The following PPP1R9A variants were observed in gnomAD, a reference collection of about 807,000 sequenced individuals.
PPP1R9A encodes the protein neurabin-1.
Under a neutral mutation model 141.9 loss-of-function variants are expected in PPP1R9A, and 59 were observed. That is an observed-to-expected ratio of 0.42 (90% CI 0.34 to 0.52). The LOEUF is 0.52. Among genes scored for constraint, PPP1R9A ranks in the 20% least tolerant of loss-of-function variants. PPP1R9A has a pLI of 0.10. For synonymous variants in PPP1R9A, 500 were observed against 569.7 expected (o/e 0.88, Z 1.74); for missense variants, 1,444 against 1,611.9 (o/e 0.90, Z 1.78).
At chr7:95,124,081 GA>G (rs1036143965) in intron 4 of PPP1R9A, among the ~76,000 whole-genome samples, 3 of 152,062 alleles carry the variant, frequency 2.0e-5, no homozygotes, top group African/African-American at 7.2e-5. Context: ...GTGGGTGTCA[GA>G]AAATGACAAA....
rs969044899 is a variant in PPP1R9A at position 94,932,784 on chromosome 7, T to G, written c.1395+21276T>G. Among the ~76,000 whole-genome samples the G allele has an allele frequency of 9.4e-3, 1,083 of 115,360 alleles. 52 individuals carry two copies. Among genetic ancestry groups the G allele is most frequent in the Admixed American group, 0.082 (964 of 11,700 alleles). The allele number at this position is 115,360 out of a possible 152,430, so 75.7% of individuals were successfully genotyped here. ...AAGCATTTTTTTTTTTTTTTTTTTTTGGTCAGGAGAGGTAACAGGGTTTGA... is the reference window on the plus strand; with the variant it reads ...AAGCATTTTTTTTTTTTTTTTTTTTGGGTCAGGAGAGGTAACAGGGTTTGA... On this transcript the variant is annotated intron_variant, in intron 2 of 19. Coordinates refer to ENST00000433360, the MANE Select transcript of PPP1R9A (RefSeq NM_001166160.2).
chr7:94,911,686 T>C (rs973287266), intron 2 of PPP1R9A, among the ~76,000 whole-genome samples, 178 bp downstream of exon 2: 1 of 152,130 alleles, frequency 6.6e-6, no homozygotes, highest in Non-Finnish European at 1.5e-5. Flanking sequence ...GAGATATCAA[T>C]TACATTTCTT....
At chr7:95,017,234 C>A (rs1805231846) in intron 2 of PPP1R9A, among the ~76,000 whole-genome samples, 1 of 151,930 alleles carries the variant, frequency 6.6e-6, no homozygotes, top group Non-Finnish European at 1.5e-5. Context: ...TTGTGGTACT[C>A]TCTGGGAAAC....
chr7:95,008,208 C>G (rs1401017088), intron 2 of PPP1R9A, among the ~76,000 whole-genome samples: 7 of 152,092 alleles, frequency 4.6e-5, no homozygotes, highest in Non-Finnish European at 7.4e-5. Context: ...AGCTGAGAAT[C>G]AGATGCCTTT....
intron 5 of PPP1R9A, among the ~76,000 whole-genome samples, chr7:95,186,322 A>G (rs1216845435): frequency 2.0e-5 from 3 of 152,062 alleles, no homozygotes; most frequent in African/African-American, 7.2e-5. Flanking sequence ...AGCTTGGTCG[A>G]TATTGGTGTA....
At chr7:95,088,346 C>T (rs530543671) in intron 2 of PPP1R9A, among the ~76,000 whole-genome samples, 3 of 151,900 alleles carry the variant, frequency 2.0e-5, no homozygotes, top group South Asian at 2.1e-4. Context: ...TATGGTGGTA[C>T]CCTTATAGGA....
intron 2 of PPP1R9A, among the ~76,000 whole-genome samples, chr7:95,011,396 C>G (rs549991602): frequency 6.6e-6 from 1 of 152,178 alleles, no homozygotes; most frequent in East Asian, 1.9e-4. Flanking sequence ...AATAATGATG[C>G]TATTTACTTT....
At chr7:95,231,683 A>T (rs935437878) in intron 8 of PPP1R9A, among the ~76,000 whole-genome samples, 1 of 152,126 alleles carries the variant, frequency 6.6e-6, no homozygotes, top group African/African-American at 2.4e-5. Context: ...TTTAAAAGTT[A>T]TTCGAACTAT....
At chr7:95,234,513 T>C (rs1796411975) in intron 8 of PPP1R9A, among the ~76,000 whole-genome samples, 1 of 152,118 alleles carries the variant, frequency 6.6e-6, no homozygotes, top group Non-Finnish European at 1.5e-5. Flanking sequence ...AAAACACTGC[T>C]GAAAGAAATC....
chr7:95,207,934 C>T (rs1435140076), intron 7 of PPP1R9A, among the ~76,000 whole-genome samples: 1 of 151,770 alleles, frequency 6.6e-6, no homozygotes, highest in Non-Finnish European at 1.5e-5. Context: ...TGAGATATAC[C>T]AAAGAAAGTG....
intron 2 of PPP1R9A, among the ~76,000 whole-genome samples, chr7:95,049,075 C>T (rs534470964): frequency 6.6e-6 from 1 of 152,266 alleles, no homozygotes; most frequent in South Asian, 2.1e-4. Flanking sequence ...TCTGGTCAGA[C>T]CCTGGGCTAT....
At chr7:94,963,763 C>A (rs1797903662) in intron 2 of PPP1R9A, among the ~76,000 whole-genome samples, 1 of 152,052 alleles carries the variant, frequency 6.6e-6, no homozygotes. Context: ...ATTAGGCAAG[C>A]CTTTGTGACA....
rs1807068254 is a variant in PPP1R9A, at chr7:95,296,111, T to C, written c.*5808T>C. On this transcript the variant is annotated 3_prime_UTR_variant, in exon 20 of 20. Coordinates refer to ENST00000433360, the MANE Select transcript of PPP1R9A (RefSeq NM_001166160.2). Reference sequence around the variant, plus strand: ...TAGCATGTTACCTAAGCTTTTAATTTGTACATTTTGATGTCTGATCATTTG... The same window carrying C: ...TAGCATGTTACCTAAGCTTTTAATTCGTACATTTTGATGTCTGATCATTTG... The C allele has an allele frequency of 6.6e-6, 1 of 152,656 alleles. No homozygotes were observed. The highest frequency in any genetic ancestry group is 1.5e-5 in the Non-Finnish European group (1 of 68,048). The allele number at this position is 152,656 out of a possible 1,614,324, so 9.5% of individuals were successfully genotyped here.
In PPP1R9A at chr7:94,992,023, T is replaced by C. The variant is rs531235992; in HGVS notation, c.1395+80515T>C. ...ATTGAGGTATAGTTGACATCCAATG[T>C]ACTGCACGTATTTAAAGTATACTAT... is the stretch of plus-strand genomic sequence containing the variant. On this transcript the variant is annotated intron_variant, in intron 2 of 19. Coordinates refer to ENST00000433360, the MANE Select transcript of PPP1R9A (RefSeq NM_001166160.2). 1.3e-3 allele frequency among the ~76,000 whole-genome samples: 196 copies of C among 152,358 alleles called. 1 individual carries two copies. The highest frequency in any genetic ancestry group is 2.5e-3 in the Non-Finnish European group (170 of 68,036).
At chr7:95,107,062 A>C (rs527328447) in intron 2 of PPP1R9A, among the ~76,000 whole-genome samples, 2 of 152,282 alleles carry the variant, frequency 1.3e-5, no homozygotes, top group Admixed American at 1.3e-4. Flanking sequence ...GATTACAGGC[A>C]TGAGCCACTG....
intron 2 of PPP1R9A, among the ~76,000 whole-genome samples, chr7:94,953,674 CATTTCTTGTG>C (rs1013961529): frequency 6.6e-6 from 1 of 152,078 alleles, no homozygotes; most frequent in African/African-American, 2.4e-5. Flanking sequence ...AGATCCTTCA[CATTTCTTGTG>C]AGTTTTATTC....
chr7:95,081,943 A>G (rs906080183), intron 2 of PPP1R9A, among the ~76,000 whole-genome samples: 1 of 152,196 alleles, frequency 6.6e-6, no homozygotes, highest in African/African-American at 2.4e-5. Flanking sequence ...GCCTGAAATC[A>G]CGGTGAAAAC....
At chr7:95,109,848 AAAG>A (rs990405506) in intron 2 of PPP1R9A, among the ~76,000 whole-genome samples, 8 of 152,050 alleles carry the variant, frequency 5.3e-5, no homozygotes, top group Middle Eastern at 6.8e-3. Flanking sequence ...ATGAAAAAAA[AAAG>A]AAGAAGAAAA....
intron 3 of PPP1R9A, among the ~76,000 whole-genome samples, chr7:95,114,477 G>A (rs11982353): frequency 0.44 from 66,093 of 151,800 alleles, 14,598 homozygotes; most frequent in Middle Eastern, 0.51. Context: ...TGTGATGTCG[G>A]TAATATTCTG....
Sources: allele counts gnomAD v4.1 joint callset (sites outside exome capture counted in the v4.1 genomes callset), GRCh38; gene constraint gnomAD v4.1.1; transcripts MANE v1.5; gene names NCBI Gene and HGNC (gene_info 2026-07-23, HGNC 2026-07-21).